ADAMTS17: variants seen among roughly 807,000 people sequenced by gnomAD.
ADAMTS17 encodes A disintegrin and metalloproteinase with thrombospondin motifs 17.
ADAMTS17 carries 113 observed loss-of-function variants against 141.5 expected under a neutral mutation model. That is an observed-to-expected ratio of 0.80 (90% CI 0.69 to 0.93). The LOEUF (loss-of-function observed/expected upper bound fraction) is 0.93, where lower values mean the gene tolerates loss of function less well. Among genes scored for constraint, ADAMTS17 ranks in the 40% least tolerant of loss-of-function variants. The pLI is 0.00. For missense variants in ADAMTS17, 1,659 were observed against 1,517.9 expected (o/e 1.09, Z -1.54); for synonymous variants, 768 against 630.6 (o/e 1.22, Z -3.27).
chr15:100,266,281 G>T (rs2043713271), intron 4 of ADAMTS17, among the ~76,000 whole-genome samples: 1 of 152,148 alleles, frequency 6.6e-6, no homozygotes, highest in South Asian at 2.1e-4. Flanking sequence ...CCCAACCAAA[G>T]GAGAATCACA....
At chr15:100,148,945 C>T (rs565032625) in intron 10 of ADAMTS17, among the ~76,000 whole-genome samples, 9 of 151,796 alleles carry the variant, frequency 5.9e-5, no homozygotes, top group African/African-American at 9.7e-5. Flanking sequence ...TGGTGGGGTC[C>T]GAGAAGAAAA....
intron 10 of ADAMTS17, among the ~76,000 whole-genome samples, chr15:100,151,705 C>T (rs143201802): frequency 9.1e-4 from 139 of 152,332 alleles, no homozygotes; most frequent in African/African-American, 2.9e-3. Flanking sequence ...GCTCCCCTAG[C>T]CCCGTCACTG....
intron 18 of ADAMTS17, among the ~76,000 whole-genome samples, chr15:100,048,589 ATTTTTTTTT>A (rs3062438): frequency 4.3e-5 from 4 of 92,356 alleles, no homozygotes; most frequent in Admixed American, 3.5e-4. Context: ...GGTGATGGCC[ATTTTTTTTT>A]TTTTTTTTTT....
At chr15:100,154,359 C>T (rs989916414) in intron 9 of ADAMTS17, among the ~76,000 whole-genome samples, 18 of 152,190 alleles carry the variant, frequency 1.2e-4, no homozygotes, top group Admixed American at 6.5e-4. Context: ...TGAACAATTT[C>T]CCCATGAACA....
At chr15:100,222,290 C>T (rs2042158377) in intron 7 of ADAMTS17, among the ~76,000 whole-genome samples, 1 of 152,196 alleles carries the variant, frequency 6.6e-6, no homozygotes. Flanking sequence ...TAAGTCCTGG[C>T]ATCCGGCTGT....
chr15:100,101,631 T>C (rs553511943), intron 14 of ADAMTS17, among the ~76,000 whole-genome samples: 72 of 152,324 alleles, frequency 4.7e-4, no homozygotes, highest in Non-Finnish European at 9.3e-4. Flanking sequence ...TCCCCCATCC[T>C]CTGACACACA....
rs12900132 is a variant in ADAMTS17 at position 99,997,289 on chromosome 15, C to T, written c.2796+96G>A. ...ACACAACTTCAAGCTGACCTGGGGG[C>T]GAGCGAGGGCTGGGAGGCACCAGAA... On this transcript the variant is annotated intron_variant, in intron 19 of 21. Transcript: ENST00000268070. This position sits in a 1 kb window ranked among gnomAD's most constrained non-coding sequence, Gnocchi z 4.7. 0.58 allele frequency: 800,872 copies of T among 1,381,030 alleles called. 240,848 individuals are homozygous for T. The highest frequency in any genetic ancestry group is 0.63 in the Non-Finnish European group (617,410 of 977,070). 85.5% of individuals were successfully genotyped at this position (1,381,030 alleles called of 1,614,324 possible).
At chr15:100,178,656 C>G (rs1596198456) in intron 8 of ADAMTS17, among the ~76,000 whole-genome samples, 2 of 152,098 alleles carry the variant, frequency 1.3e-5, no homozygotes, top group East Asian at 3.8e-4. Flanking sequence ...TTCTTTTACC[C>G]ATTCTGTTTT....
chr15:100,233,429 C>T (rs1216129980), intron 7 of ADAMTS17, among the ~76,000 whole-genome samples: 1 of 152,096 alleles, frequency 6.6e-6, no homozygotes, highest in African/African-American at 2.4e-5. Flanking sequence ...ACTGGAAATT[C>T]CCTAGCACTG....
At chr15:100,226,021 A>G (rs1352260854) in intron 7 of ADAMTS17, among the ~76,000 whole-genome samples, 1 of 134,620 alleles carries the variant, frequency 7.4e-6, no homozygotes, top group Non-Finnish European at 1.5e-5. Flanking sequence ...TTCAGTCCTT[A>G]TAGCAGTCAC....
chr15:100,083,269 G>A (rs1264566152), intron 15 of ADAMTS17, among the ~76,000 whole-genome samples: 1 of 152,150 alleles, frequency 6.6e-6, no homozygotes, highest in Non-Finnish European at 1.5e-5. Context: ...TCACTCTGCA[G>A]GGCCTCCTGC....
At chr15:100,201,793 T>C in intron 7 of ADAMTS17, among the ~76,000 whole-genome samples, 1 of 152,232 alleles carries the variant, frequency 6.6e-6, no homozygotes, top group East Asian at 1.9e-4. Flanking sequence ...AAGGATGTGA[T>C]GTGGTTTCTC....
intron 18 of ADAMTS17, among the ~76,000 whole-genome samples, chr15:100,036,635 C>G (rs2030746711): frequency 6.6e-6 from 1 of 152,230 alleles, no homozygotes; most frequent in African/African-American, 2.4e-5. Flanking sequence ...CACAATGCAA[C>G]CATCTGAAGC....
At chr15:100,130,755 C>T (rs771957357) in intron 12 of ADAMTS17, among the ~76,000 whole-genome samples, 7 of 152,150 alleles carry the variant, frequency 4.6e-5, no homozygotes, top group Non-Finnish European at 8.8e-5. Flanking sequence ...AGAACTTGCT[C>T]GTTTTCAAAA....
chr15:100,195,428 G>A (rs563446628), intron 8 of ADAMTS17, among the ~76,000 whole-genome samples: 16 of 152,216 alleles, frequency 1.1e-4, no homozygotes, highest in East Asian at 1.9e-4. Context: ...AGAAGGCCCC[G>A]GGCAAGAAGC....
Position 100,132,120 on chromosome 15 carries a change from C to G in ADAMTS17, c.1608G>C (p.Thr536=), listed in dbSNP as rs547988683. 1 of 1,614,046 alleles carries G rather than the reference C, an allele frequency of 6.2e-7. No homozygotes were observed. Among genetic ancestry groups the G allele is most frequent in the South Asian group, 1.1e-5 (1 of 91,060 alleles). Residue 536 remains threonine (T), a synonymous_variant, in exon 12 of 22, where the codon ACG becomes ACC. Coordinates refer to ENST00000268070, the MANE Select transcript of ADAMTS17 (RefSeq NM_139057.4). ...WCRAGECVSK[T]PIPEHVDGDW... Reference sequence around the variant, plus strand: ...CTCCGTCCACATGCTCCGGGATGGGCGTCTTGCTCACGCACTCCCCCGCGC... The same window carrying G: ...CTCCGTCCACATGCTCCGGGATGGGGGTCTTGCTCACGCACTCCCCCGCGC...
intron 14 of ADAMTS17, among the ~76,000 whole-genome samples, chr15:100,096,983 G>A (rs1258253115): frequency 1.3e-5 from 2 of 152,216 alleles, no homozygotes; most frequent in Non-Finnish European, 2.9e-5. Context: ...GCTCATTCAG[G>A]CAGGGCTTGG....
intron 7 of ADAMTS17, among the ~76,000 whole-genome samples, chr15:100,237,226 G>A (rs959128171): frequency 4.6e-5 from 7 of 152,170 alleles, no homozygotes; most frequent in African/African-American, 1.7e-4. Flanking sequence ...CCTACAGGAG[G>A]CGACTCCATG....
At position 100,110,236 on chromosome 15, in the gene ADAMTS17, A is replaced by AATAT. The variant is rs71151937; in HGVS notation, c.1889-1124_1889-1121dup. ...ATATATATTTTTATATATTTATATAAATATATATATATATAAATACATATA... is the reference window on the plus strand; with the variant it reads ...ATATATATTTTTATATATTTATATAAATATATATATATATATATAAATACATATA... On this transcript the variant is annotated intron_variant, in intron 13 of 21. Coordinates refer to ENST00000268070, the MANE Select transcript of ADAMTS17 (RefSeq NM_139057.4). Among the ~76,000 whole-genome samples, 22 of 139,586 alleles carry AATAT rather than the reference A, an allele frequency of 1.6e-4. No homozygotes were observed. In the East Asian group the frequency reaches 3.1e-3, roughly 20 times the overall value. 91.6% of individuals were successfully genotyped at this position (139,586 alleles called of 152,430 possible).
Sources: gnomAD v4.1 joint callset for allele counts (sites outside exome capture counted in the v4.1 genomes callset) on GRCh38, gnomAD v4.1.1 for gene constraint, Gnocchi (gnomAD v3.1) non-coding constraint, MANE v1.5 for transcripts, NCBI Gene and HGNC (gene_info 2026-07-23, HGNC 2026-07-21) for gene names.